Variants in SIGLEC6 observed in about 807,000 individuals in gnomAD.
SIGLEC6 encodes the protein sialic acid binding Ig like lectin 6, also known as sialic acid-binding Ig-like lectin 6.
SIGLEC6 carries 31 observed loss-of-function variants against 41.4 expected under a neutral mutation model. The observed-to-expected ratio is 0.75, with a 90% confidence interval of 0.56 to 1.01. The LOEUF (loss-of-function observed/expected upper bound fraction) is 1.01. Among genes scored for constraint, SIGLEC6 ranks in the 50% least tolerant of loss-of-function variants. SIGLEC6 has a pLI of 0.00. For missense variants in SIGLEC6, 555 were observed against 558.6 expected (o/e 0.99, Z 0.06); for synonymous variants, 217 against 231.0 (o/e 0.94, Z 0.55).
Position 51,517,849 on chromosome 19 carries a change from G to A in SIGLEC6, c.*2233C>T, listed in dbSNP as rs1013676100. Reference sequence around the variant, plus strand: ...TTCATCATAACATTTAATTTTCTCTGGAAAAATATAAAGACTTTATGTAAT... The same window carrying A: ...TTCATCATAACATTTAATTTTCTCTAGAAAAATATAAAGACTTTATGTAAT... On this transcript the variant is annotated 3_prime_UTR_variant, in exon 8 of 8. Coordinates refer to ENST00000425629, the MANE Select transcript of SIGLEC6 (RefSeq NM_001245.7). Among the ~76,000 whole-genome samples the A allele has an allele frequency of 1.3e-5, 2 of 151,832 alleles. No homozygotes were observed. The highest frequency in any genetic ancestry group is 4.1e-4 in the South Asian group (2 of 4,820).
chr19:51,521,363 T>G (rs1013157073), intron 7 of SIGLEC6, among the ~76,000 whole-genome samples: 4 of 150,788 alleles, frequency 2.7e-5, no homozygotes, highest in African/African-American at 9.8e-5. Context: ...TATACTGGAG[T>G]GTGTGTGTGT....
At chr19:51,529,570 A>G in intron 5 of SIGLEC6, 154 bp downstream of exon 5, 1 of 882,434 alleles carries the variant, frequency 1.1e-6, no homozygotes, top group Non-Finnish European at 1.7e-6. Flanking sequence ...GAGCCACTGC[A>G]GTGTGGACTC....
At chr19:51,522,298 A>G (rs1343525028) in intron 7 of SIGLEC6, among the ~76,000 whole-genome samples, 1 of 152,262 alleles carries the variant, frequency 6.6e-6, no homozygotes, top group African/African-American at 2.4e-5. Flanking sequence ...AAAGCTCAAC[A>G]ATTTTTAAAG....
chr19:51,525,524 A>T (rs546132989), intron 7 of SIGLEC6, among the ~76,000 whole-genome samples: 3 of 151,824 alleles, frequency 2.0e-5, no homozygotes, highest in African/African-American at 7.2e-5. Context: ...CCCTGCCCCC[A>T]CCTGAGTTGG....
intron 7 of SIGLEC6, among the ~76,000 whole-genome samples, chr19:51,527,491 G>A (rs1277211496): frequency 9.1e-6 from 1 of 110,448 alleles, no homozygotes; most frequent in Non-Finnish European, 1.9e-5. Context: ...TCTGACATAT[G>A]AGGAGCATAA....
Position 51,531,022 on chromosome 19 carries a change from C to T in SIGLEC6, c.428-63G>A, listed in dbSNP as rs930393915. ...TCTGAGGTTTCACCCAGGGGGAAGC[C>T]CAGTCTCTGGTCCAGCTCCTTCTCT... is the stretch of plus-strand genomic sequence containing the variant. On this transcript the variant is annotated intron_variant, in intron 2 of 7. Transcript: ENST00000425629. 4.7e-5 allele frequency: 74 copies of T among 1,585,478 alleles called. 1 individual carries two copies. Among genetic ancestry groups the T allele is most frequent in the Non-Finnish European group, 6.2e-5 (73 of 1,174,440 alleles).
At chr19:51,527,528 C>G (rs1053098852) in intron 7 of SIGLEC6, among the ~76,000 whole-genome samples, 1 of 151,974 alleles carries the variant, frequency 6.6e-6, no homozygotes, top group Non-Finnish European at 1.5e-5. Flanking sequence ...AACTGGAGTA[C>G]GTATTTCATC....
At position 51,519,671 on chromosome 19, in the gene SIGLEC6, T is replaced by G. The variant is rs1341210993; in HGVS notation, c.*411A>C. 6.5e-6 allele frequency: 1 copy of G among 152,688 alleles called. No individual in the cohort carries two copies. The highest frequency in any genetic ancestry group is 2.4e-5 in the African/African-American group (1 of 41,484). 9.5% of individuals were successfully genotyped at this position (152,688 alleles called of 1,614,324 possible). A position where few individuals can be genotyped will look rare whatever the true frequency, so the allele number is the denominator to read the frequency against. ...CAGTGTTATGGGCTAAATTGTTCCC[T>G]TCTAAAATTCATATGTTGGAAGTCC... On this transcript the variant is annotated 3_prime_UTR_variant, in exon 8 of 8. Transcript: ENST00000425629.
intron 7 of SIGLEC6, among the ~76,000 whole-genome samples, chr19:51,522,404 A>G (rs1454753663): frequency 6.6e-6 from 1 of 152,250 alleles, no homozygotes; most frequent in Non-Finnish European, 1.5e-5. Flanking sequence ...AATGTAAGCA[A>G]TGAAAAGTAT....
chr19:51,531,624 C>T lies in SIGLEC6; in HGVS notation c.25G>A (p.Ala9Thr). 6.2e-7 allele frequency: 1 copy of T among 1,610,806 alleles called. No individual in the cohort carries two copies. The highest frequency in any genetic ancestry group is 1.7e-5 in the Admixed American group (1 of 59,474). Residue 9 changes from alanine to threonine, a missense_variant, in exon 1 of 8, where the codon GCC (alanine) becomes ACC (threonine). Physicochemically the swap from Ala to Thr is moderately conservative, Grantham distance 58 (BLOSUM62 0). Coordinates refer to ENST00000425629, the MANE Select transcript of SIGLEC6 (RefSeq NM_001245.7). Reference sequence around the variant, plus strand: ...AGCAGCAGCGGTAGCATCTCTGAGGCGGAGGCTTCCTGGGCTCCCTGCATG... The same window carrying T: ...AGCAGCAGCGGTAGCATCTCTGAGGTGGAGGCTTCCTGGGCTCCCTGCATG... MQGAQEAS[A>T]SEMLPLLLPL...
chr19:51,530,555 G>A, intron 3 of SIGLEC6, 71 bp from the exon 4 acceptor site: 7 of 1,609,192 alleles, frequency 4.4e-6, no homozygotes, highest in Non-Finnish European at 5.9e-6. Flanking sequence ...TTCCCCTCAG[G>A]AGCCATGAAA....
At chr19:51,530,567 C>T (rs746073817) in intron 3 of SIGLEC6, 83 bp from the exon 4 acceptor site, 1 of 1,607,920 alleles carries the variant, frequency 6.2e-7, no homozygotes, top group African/African-American at 1.3e-5. Flanking sequence ...GCCATGAAAA[C>T]AGGGAAAGGG....
Position 51,529,730 on chromosome 19 carries a change from CAA to C in SIGLEC6, c.1004_1005del (p.Phe335CysfsTer20). On this transcript the variant is annotated frameshift_variant, in exon 5 of 8. Coordinates refer to ENST00000425629, the MANE Select transcript of SIGLEC6 (RefSeq NM_001245.7). LOFTEE classifies it high-confidence loss of function. ...CACCTCCCCCCACACTCACAATGCACAAAGAGACTCAGAGAGATTTGCAGGGA... is the reference window on the plus strand; with the variant it reads ...CACCTCCCCCCACACTCACAATGCACAGAGACTCAGAGAGATTTGCAGGGA... Reference protein sequence around the residue: ...LGSLQISLSLFVHWKPEGRAG... With the variant: ...LGSLQISLSLXVHWKPEGRAG... The C allele has an allele frequency of 6.2e-7, 1 of 1,614,092 alleles. No homozygotes were observed. Among genetic ancestry groups the C allele is most frequent in the East Asian group, 2.2e-5 (1 of 44,866 alleles).
In SIGLEC6 at chr19:51,531,120, T is replaced by C. The variant is rs186546892; in HGVS notation, c.427+40A>G. ...TCCCAGCCCTGCCCTACGGCCCCCA[T>C]GACCTTCCCCTGTGGCTAGTCCTGG... On this transcript the variant is annotated intron_variant, in intron 2 of 7. Coordinates refer to ENST00000425629, the MANE Select transcript of SIGLEC6 (RefSeq NM_001245.7). 8.5e-4 allele frequency: 1,330 copies of C among 1,558,834 alleles called. 8 individuals are homozygous for C. In the African/African-American group the frequency reaches 0.016, roughly 19 times the overall value.
chr19:51,527,345 G>A (rs1979401380), intron 7 of SIGLEC6, among the ~76,000 whole-genome samples: 1 of 152,074 alleles, frequency 6.6e-6, no homozygotes, highest in African/African-American at 2.4e-5. Context: ...GGGTTGATTT[G>A]GGCTGTCTAC....
At chr19:51,531,130 C>T in intron 2 of SIGLEC6, 30 bp downstream of exon 2, 1 of 1,563,276 alleles carries the variant, frequency 6.4e-7, no homozygotes, top group South Asian at 1.2e-5. Context: ...TGACCTTCCC[C>T]TGTGGCTAGT....
At chr19:51,529,019 G>C (rs981163635) in intron 5 of SIGLEC6, among the ~76,000 whole-genome samples, 2 of 58,080 alleles carry the variant, frequency 3.4e-5, no homozygotes, top group East Asian at 4.2e-4. Flanking sequence ...AAAAAAAAAA[G>C]GGAAAATGTG....
Position 51,527,728 on chromosome 19 carries a change from T to C in SIGLEC6, c.1188+19A>G, listed in dbSNP as rs1401028296. 1 of 1,611,338 alleles carries C rather than the reference T, an allele frequency of 6.2e-7. No homozygotes were observed. Among genetic ancestry groups the C allele is most frequent in the Non-Finnish European group, 8.5e-7 (1 of 1,177,806 alleles). Reference sequence around the variant, plus strand: ...AAAAGGGATAATGCTGAATGGAAATTAAGGTCTCTGTCACTCACCCTGGAG... The same window carrying C: ...AAAAGGGATAATGCTGAATGGAAATCAAGGTCTCTGTCACTCACCCTGGAG... On this transcript the variant is annotated intron_variant, in intron 7 of 7. Transcript: ENST00000425629.
intron 5 of SIGLEC6, among the ~76,000 whole-genome samples, chr19:51,529,101 T>C (rs8182477): frequency 0.78 from 117,799 of 151,632 alleles, 46,202 homozygotes; most frequent in African/African-American, 0.87. Flanking sequence ...AATGCTTCTT[T>C]AAGCCTAGGA....
Sources: gnomAD v4.1 joint callset for allele counts (sites outside exome capture counted in the v4.1 genomes callset) on GRCh38, gnomAD v4.1.1 for gene constraint, MANE v1.5 for transcripts, NCBI Gene and HGNC (gene_info 2026-07-23, HGNC 2026-07-21) for gene names.